IQCH: variants seen among roughly 807,000 people sequenced by gnomAD.
IQCH encodes the protein IQ domain-containing protein H.
IQCH carries 98 observed loss-of-function variants against 117.0 expected under a neutral mutation model. The ratio of observed to expected loss-of-function variants is 0.84; its 90% CI spans 0.71 to 0.99. The LOEUF is 0.99. Ranked by LOEUF, IQCH falls within the 50% of genes least tolerant of loss-of-function variation. IQCH has a pLI of 0.00. For missense variants in IQCH, 1,102 were observed against 1,243.8 expected (o/e 0.89, Z 1.72); for synonymous variants, 412 against 448.2 (o/e 0.92, Z 1.02).
At chr15:67,444,211 C>T (rs1341179365) in intron 16 of IQCH, among the ~76,000 whole-genome samples, 1 of 152,176 alleles carries the variant, frequency 6.6e-6, no homozygotes, top group Non-Finnish European at 1.5e-5. Flanking sequence ...ATATTCCATC[C>T]TTGTGCTCAG....
intron 4 of IQCH, among the ~76,000 whole-genome samples, chr15:67,301,401 GTTTTTTT>G (rs10663973): frequency 1.6e-4 from 12 of 75,338 alleles, no homozygotes; most frequent in Non-Finnish European, 2.8e-4. Context: ...GTTATGTTAA[GTTTTTTT>G]TTTTTTTTTT....
rs574411355 is a variant in IQCH, at chr15:67,271,194, T to C, written c.269+7978T>C. The stretch of plus-strand genomic sequence containing the variant: ...CATGCTGGGCAGGCTGGTCTCGAAC[T>C]CCTGACGTTGTGATCCGCCCAGCTT... On this transcript the variant is annotated intron_variant, in intron 3 of 20. Coordinates refer to ENST00000335894, the MANE Select transcript of IQCH (RefSeq NM_001031715.3). Among the ~76,000 whole-genome samples the C allele has an allele frequency of 6.6e-5, 10 of 152,326 alleles. No individual in the cohort carries two copies. In the South Asian group the frequency reaches 2.1e-3, roughly 32 times the overall value.
rs41370046 is a variant in IQCH, at chr15:67,370,868, T to G, written c.754-1243T>G. ...GAGATGGCAGTCTAATTAATTATTG[T>G]GCGGCCCAGGACCGGAGAAAAGAAA... On this transcript the variant is annotated intron_variant, in intron 8 of 20. Coordinates refer to ENST00000335894, the MANE Select transcript of IQCH (RefSeq NM_001031715.3). The surrounding 1 kb of genome is among the most constrained non-coding windows in gnomAD (Gnocchi z 5.6). Among the ~76,000 whole-genome samples, 6 of 151,652 alleles carry G rather than the reference T, an allele frequency of 4.0e-5. No individual in the cohort carries two copies. Among genetic ancestry groups the G allele is most frequent in the Admixed American group, 3.9e-4 (6 of 15,212 alleles).
rs1371917254 is a variant in IQCH at position 67,254,886 on chromosome 15, C to T, written c.-11C>T. ...GCGCCTCCGCGGAGGTAGCCGTTCC[C>T]TGACCTAGCCATGGCACAGAACACT... On this transcript the variant is annotated 5_prime_UTR_variant, in exon 1 of 21. Coordinates refer to ENST00000335894, the MANE Select transcript of IQCH (RefSeq NM_001031715.3). 1 of 1,613,456 alleles carries T rather than the reference C, an allele frequency of 6.2e-7. No homozygotes were observed. Among genetic ancestry groups the T allele is most frequent in the Non-Finnish European group, 8.5e-7 (1 of 1,179,636 alleles).
chr15:67,313,385 A>G lies in IQCH; in HGVS notation c.388-23590A>G, dbSNP rs533245474. On this transcript the variant is annotated intron_variant, in intron 4 of 20. Coordinates refer to ENST00000335894, the MANE Select transcript of IQCH (RefSeq NM_001031715.3). ...TACATACTGAAAAGATAAATTGGCT[A>G]CTTCAGAATCATCGTCAGGGCCACA... 2.6e-5 allele frequency among the ~76,000 whole-genome samples: 4 copies of G among 152,288 alleles called. No individual in the cohort carries two copies. In the South Asian group the frequency reaches 6.2e-4, roughly 24 times the overall value.
At chr15:67,489,554 G>A (rs1475782254) in intron 18 of IQCH, among the ~76,000 whole-genome samples, 1 of 60,278 alleles carries the variant, frequency 1.7e-5, no homozygotes, top group Admixed American at 1.6e-4. Context: ...GGGTTCAAGC[G>A]ATTCTCCCGC....
chr15:67,332,259 T>C (rs1968698314), intron 4 of IQCH, among the ~76,000 whole-genome samples: 2 of 152,174 alleles, frequency 1.3e-5, no homozygotes, highest in African/African-American at 4.8e-5. Flanking sequence ...TAGTTAAATA[T>C]TTGGATTTCA....
intron 3 of IQCH, among the ~76,000 whole-genome samples, chr15:67,266,269 A>T (rs58408703): frequency 0.013 from 1,906 of 152,248 alleles, 45 homozygotes; most frequent in African/African-American, 0.044. Flanking sequence ...CAAACCTTTT[A>T]GTTCTTGCTA....
At chr15:67,330,767 C>G (rs1474510746) in intron 4 of IQCH, among the ~76,000 whole-genome samples, 1 of 152,192 alleles carries the variant, frequency 6.6e-6, no homozygotes, top group African/African-American at 2.4e-5. Flanking sequence ...TTTTTCCTTT[C>G]TGCTTCTTAG....
In IQCH at chr15:67,405,455, G is replaced by A; in HGVS notation, c.2097+5150G>A. The A allele has an allele frequency of 6.5e-6, 1 of 152,878 alleles. No homozygotes were observed. The highest frequency in any genetic ancestry group is 1.5e-5 in the Non-Finnish European group (1 of 68,536). 9.5% of individuals were successfully genotyped at this position (152,878 alleles called of 1,614,324 possible). A position where few individuals can be genotyped will look rare whatever the true frequency, so the allele number is the denominator to read the frequency against. On this transcript the variant is annotated intron_variant, in intron 14 of 20. Transcript: ENST00000335894. The surrounding 1 kb of genome is among the most constrained non-coding windows in gnomAD (Gnocchi z 4.8). ...ATAAATACTGCAGAGTACCTACTGGGTACCAGGTATTGTGCTAAGCACGTT... is the reference window on the plus strand; with the variant it reads ...ATAAATACTGCAGAGTACCTACTGGATACCAGGTATTGTGCTAAGCACGTT...
Position 67,400,226 on chromosome 15 carries a change from C to T in IQCH, c.2018C>T (p.Ser673Phe), listed in dbSNP as rs1217339563. The change falls in exon 14 of 21, where the codon TCC (serine) becomes TTC (phenylalanine). Residue 673 changes from serine (S) to phenylalanine (F), a missense_variant. Physicochemically the swap from Ser to Phe is radical, Grantham distance 155. Coordinates refer to ENST00000335894, the MANE Select transcript of IQCH (RefSeq NM_001031715.3). The stretch of plus-strand genomic sequence containing the variant: ...GGGACTGCATTTTGTGATATTCCTT[C>T]CTACCTAAAGTGCTACAAATGGGTG... Reference protein sequence around the residue: ...GNGTAFCDIPSYLKCYKWVLK... With the variant: ...GNGTAFCDIPFYLKCYKWVLK... The T allele has an allele frequency of 6.2e-7, 1 of 1,613,520 alleles. No individual in the cohort carries two copies. The highest frequency in any genetic ancestry group is 8.5e-7 in the Non-Finnish European group (1 of 1,179,664).
At chr15:67,320,201 A>C (rs942120715) in intron 4 of IQCH, among the ~76,000 whole-genome samples, 1 of 152,364 alleles carries the variant, frequency 6.6e-6, no homozygotes, top group South Asian at 2.1e-4. Flanking sequence ...TGCCAACCCA[A>C]CTGCTGGGAT....
At chr15:67,346,169 A>C (rs1039538629) in intron 6 of IQCH, among the ~76,000 whole-genome samples, 35 of 152,228 alleles carry the variant, frequency 2.3e-4, no homozygotes, top group African/African-American at 8.2e-4. Context: ...TTAATGATAA[A>C]AGGATCAATC....
chr15:67,322,277 G>A lies in IQCH; in HGVS notation c.388-14698G>A, dbSNP rs189076562. ...CTCTCATAGTTCTTTTTGTCTTAAA[G>A]TCTACTTTGATATTAATATAATTAC... On this transcript the variant is annotated intron_variant, in intron 4 of 20. Coordinates refer to ENST00000335894, the MANE Select transcript of IQCH (RefSeq NM_001031715.3). Among the ~76,000 whole-genome samples, 97 of 152,158 alleles carry A rather than the reference G, an allele frequency of 6.4e-4. 1 individual carries two copies. The highest frequency in any genetic ancestry group is 4.3e-3 in the Admixed American group (66 of 15,286).
At chr15:67,409,447 A>G (rs1596323602) in intron 14 of IQCH, among the ~76,000 whole-genome samples, 1 of 152,108 alleles carries the variant, frequency 6.6e-6, no homozygotes, top group East Asian at 1.9e-4. Context: ...GTCGGGGGCA[A>G]AGCAGTTGTG....
chr15:67,286,449 C>A (rs1343103480), intron 4 of IQCH, among the ~76,000 whole-genome samples: 1 of 152,086 alleles, frequency 6.6e-6, no homozygotes. Flanking sequence ...ATTGCTCTAG[C>A]CAGGACTTCC....
intron 14 of IQCH, among the ~76,000 whole-genome samples, chr15:67,415,577 A>G (rs1306141276): frequency 1.3e-5 from 2 of 152,132 alleles, no homozygotes; most frequent in Non-Finnish European, 2.9e-5. Context: ...TGGGCACTGG[A>G]CCTAGAATCA....
chr15:67,501,225 A>G lies in IQCH; in HGVS notation c.*479A>G, dbSNP rs2083971120. On this transcript the variant is annotated 3_prime_UTR_variant, in exon 21 of 21. Transcript: ENST00000335894. The surrounding 1 kb of genome is among the most constrained non-coding windows in gnomAD (Gnocchi z 5.2). ...TGCCTTTTTTTCAAAGCTTCAAATT[A>G]TATTGAAATTATATTTATATGAATT... 6.6e-6 allele frequency: 1 copy of G among 152,230 alleles called. No individual in the cohort carries two copies. Among genetic ancestry groups the G allele is most frequent in the Non-Finnish European group, 1.5e-5 (1 of 68,038 alleles). The allele number at this position is 152,230 out of a possible 1,614,324, so 9.4% of individuals were successfully genotyped here.
chr15:67,420,914 A>G (rs1464899807), intron 15 of IQCH, among the ~76,000 whole-genome samples: 1 of 152,242 alleles, frequency 6.6e-6, no homozygotes, highest in Non-Finnish European at 1.5e-5. Context: ...CAAGATGTCA[A>G]CTGTGGACTA....
Sources: gnomAD v4.1 joint callset for allele counts (sites outside exome capture counted in the v4.1 genomes callset) on GRCh38, gnomAD v4.1.1 for gene constraint, Gnocchi (gnomAD v3.1) non-coding constraint, MANE v1.5 for transcripts, NCBI Gene and HGNC (gene_info 2026-07-23, HGNC 2026-07-21) for gene names.